The following UMODL1 variants were observed in gnomAD, a reference collection of about 807,000 sequenced individuals.
UMODL1 encodes uromodulin-like 1.
In UMODL1, 128 loss-of-function variants were observed where a neutral mutation model predicts 136.3. That is an observed-to-expected ratio of 0.94 (90% CI 0.81 to 1.09). The LOEUF is 1.09. UMODL1 is among the 50% of genes least tolerant of loss of function. The probability of loss-of-function intolerance (pLI) is 0.00; values close to 1 mark genes in which losing one functional copy is unlikely to be tolerated. For synonymous variants in UMODL1, 721 were observed against 720.0 expected, an observed-to-expected ratio of 1.00 and a Z score of -0.02; for missense variants, 1,766 against 1,725.6, an observed-to-expected ratio of 1.02 and a Z score of -0.41.
rs1394503885 is a variant in UMODL1, at chr21:42,122,433, A to G, written c.2828-398A>G. ...TCTCAGGGCAGAAGACTCACCCTGT[A>G]TCCACTGGCTTGGCACATCCCCGGC... On this transcript the variant is annotated intron_variant, in intron 16 of 22. Transcript: ENST00000408910. The surrounding 1 kb of genome is among the most constrained non-coding windows in gnomAD (Gnocchi z 4.3). Among the ~76,000 whole-genome samples, 1 of 152,182 alleles carries G rather than the reference A, an allele frequency of 6.6e-6. No homozygotes were observed. The highest frequency in any genetic ancestry group is 2.4e-5 in the African/African-American group (1 of 41,444).
Position 42,122,713 on chromosome 21 carries a change from T to C in UMODL1, c.2828-118T>C, listed in dbSNP as rs1601259074. 1 of 1,011,594 alleles carries C rather than the reference T, an allele frequency of 9.9e-7. No individual in the cohort carries two copies. Among genetic ancestry groups the C allele is most frequent in the Non-Finnish European group, 1.4e-6 (1 of 710,058 alleles). 62.7% of individuals were successfully genotyped at this position (1,011,594 alleles called of 1,614,324 possible). A position where few individuals can be genotyped will look rare whatever the true frequency, so the allele number is the denominator to read the frequency against. ...TGTAGTTGTGGCTGGAACATGCGGTTCCCAGGTGTGGCTGCTGCAGAGTGC... is the reference window on the plus strand; with the variant it reads ...TGTAGTTGTGGCTGGAACATGCGGTCCCCAGGTGTGGCTGCTGCAGAGTGC... On this transcript the variant is annotated intron_variant, in intron 16 of 22. Transcript: ENST00000408910. The surrounding 1 kb of genome is among the most constrained non-coding windows in gnomAD (Gnocchi z 4.3).
At chr21:42,065,561 G>A (rs1315817224) in intron 1 of UMODL1, among the ~76,000 whole-genome samples, 6 of 148,622 alleles carry the variant, frequency 4.0e-5, no homozygotes, top group Non-Finnish European at 8.9e-5. Context: ...TTTTTGAGGC[G>A]GAGTCTCGCT....
chr21:42,091,332 G>A (rs898291084), intron 6 of UMODL1, among the ~76,000 whole-genome samples: 1 of 152,222 alleles, frequency 6.6e-6, no homozygotes, highest in Non-Finnish European at 1.5e-5. Flanking sequence ...GGATCAGCCT[G>A]GAGAGCAGAA....
At chr21:42,077,341 T>C (rs997184049) in intron 2 of UMODL1, among the ~76,000 whole-genome samples, 17 of 151,842 alleles carry the variant, frequency 1.1e-4, no homozygotes, top group African/African-American at 4.1e-4. Flanking sequence ...TGAGACGAAT[T>C]AAGAGTCTTT....
chr21:42,116,172 C>CAAAAAAAAAAAAAAAAAAAAAAAAA, intron 14 of UMODL1, among the ~76,000 whole-genome samples, 187 bp downstream of exon 14: 1 of 75,082 alleles, frequency 1.3e-5, no homozygotes, highest in Non-Finnish European at 2.3e-5. Flanking sequence ...CCATCTCCAC[C>CAAAAAAAAAAAAAAAAAAAAAAAAA]AAAAAAAAAA....
chr21:42,139,081 T>C (rs1399437651), intron 22 of UMODL1, among the ~76,000 whole-genome samples: 1 of 151,956 alleles, frequency 6.6e-6, no homozygotes, highest in East Asian at 1.9e-4. Context: ...GGTGGAAGGA[T>C]CCCTTGAGCT....
intron 5 of UMODL1, among the ~76,000 whole-genome samples, chr21:42,089,743 C>T (rs1278475153): frequency 4.6e-5 from 7 of 152,166 alleles, no homozygotes; most frequent in African/African-American, 1.7e-4. Context: ...TTGTAAAGAA[C>T]TAATAATCAC....
chr21:42,123,007 A>C lies in UMODL1; in HGVS notation c.3004A>C (p.Ile1002Leu). The C allele has an allele frequency of 6.2e-7, 1 of 1,614,100 alleles. No homozygotes were observed. Among genetic ancestry groups the C allele is most frequent in the Admixed American group, 1.7e-5 (1 of 60,014 alleles). ...TGAGATCGAGAAGGTGGTTGTCGCCATCCAGAAGCGCTTCCTGCAGCAGGA... is the reference window on the plus strand; with the variant it reads ...TGAGATCGAGAAGGTGGTTGTCGCCCTCCAGAAGCGCTTCCTGCAGCAGGA... ...LCEIEKVVVA[I>L]QKRFLQQESI... is the part of the protein sequence containing the mutation. The change falls in exon 17 of 23, where the codon ATC becomes CTC. Residue 1002 changes from isoleucine to leucine, a missense_variant. Coordinates refer to ENST00000408910, the MANE Select transcript of UMODL1 (RefSeq NM_001004416.3). This position sits in a 1 kb window ranked among gnomAD's most constrained non-coding sequence, Gnocchi z 4.4.
At chr21:42,114,630 TG>T (rs2066880277) in intron 13 of UMODL1, among the ~76,000 whole-genome samples, 1 of 152,206 alleles carries the variant, frequency 6.6e-6, no homozygotes, top group Admixed American at 6.5e-5. Context: ...GATGGTCTAT[TG>T]GGATGCAATA....
chr21:42,064,083 C>T (rs142363451), intron 1 of UMODL1, among the ~76,000 whole-genome samples: 72 of 152,224 alleles, frequency 4.7e-4, no homozygotes, highest in East Asian at 3.3e-3. Context: ...GGCAGTCTGT[C>T]GAGCCCGAGG....
At chr21:42,109,979 G>T (rs549923098) in intron 10 of UMODL1, among the ~76,000 whole-genome samples, 4 of 152,308 alleles carry the variant, frequency 2.6e-5, no homozygotes, top group African/African-American at 9.6e-5. Flanking sequence ...AAGTGGAGGG[G>T]TGCAGGGGTC....
intron 21 of UMODL1, among the ~76,000 whole-genome samples, chr21:42,135,192 C>G (rs112923500): frequency 6.6e-6 from 1 of 152,260 alleles, no homozygotes; most frequent in South Asian, 2.1e-4. Context: ...TCATGCCACA[C>G]GCATGGAGCC....
chr21:42,067,803 G>A (rs2066195431), upstream of UMODL1, among the ~76,000 whole-genome samples: 1 of 152,244 alleles, frequency 6.6e-6, no homozygotes, highest in Non-Finnish European at 1.5e-5. Context: ...TGGAGACAAT[G>A]TCCCAACCCC....
At chr21:42,103,339 G>A (rs2066661097) in intron 8 of UMODL1, 1 of 240,676 alleles carries the variant, frequency 4.2e-6, no homozygotes, top group African/African-American at 2.2e-5. Context: ...ACTCACTTGT[G>A]TGTGCAAGTA....
At chr21:42,108,961 T>G (rs1191109120) in intron 9 of UMODL1, among the ~76,000 whole-genome samples, 1 of 36,914 alleles carries the variant, frequency 2.7e-5, no homozygotes, top group Non-Finnish European at 4.4e-5. Flanking sequence ...TGACCCCCAC[T>G]CCTGGCATGT....
At chr21:42,108,616 C>T (rs2066758760) in intron 9 of UMODL1, 2 of 340,094 alleles carry the variant, frequency 5.9e-6, no homozygotes, top group African/African-American at 4.3e-5. Flanking sequence ...TTCCCGAGCA[C>T]CTCCACCCGC....
rs574741492 is a variant in UMODL1 at position 42,090,190 on chromosome 21, G to A, written c.791-108G>A. ...GCCCAAGGCACCCCTCAACCGACGT[G>A]GCACAAATCCGTGGCACGAGTCCAC... On this transcript the variant is annotated intron_variant, in intron 5 of 22. Coordinates refer to ENST00000408910, the MANE Select transcript of UMODL1 (RefSeq NM_001004416.3). The A allele has an allele frequency of 2.2e-5, 33 of 1,497,564 alleles. No homozygotes were observed. In the African/African-American group the frequency reaches 4.4e-4, roughly 20 times the overall value. 92.8% of individuals were successfully genotyped at this position (1,497,564 alleles called of 1,614,324 possible).
intron 1 of UMODL1, among the ~76,000 whole-genome samples, chr21:42,066,009 T>G (rs2146403699): frequency 6.6e-6 from 1 of 152,350 alleles, no homozygotes; most frequent in East Asian, 1.9e-4. Flanking sequence ...GAATTCTTTG[T>G]CCTAACGTTA....
intron 17 of UMODL1, among the ~76,000 whole-genome samples, chr21:42,124,854 C>T (rs1601263447): frequency 6.6e-6 from 1 of 152,132 alleles, no homozygotes; most frequent in South Asian, 2.1e-4. Flanking sequence ...GCTGAGAGTT[C>T]TACATGCATG....
Sources: allele counts gnomAD v4.1 joint callset (sites outside exome capture counted in the v4.1 genomes callset), GRCh38; gene constraint gnomAD v4.1.1; non-coding constraint Gnocchi (gnomAD v3.1); transcripts MANE v1.5; gene names NCBI Gene and HGNC (gene_info 2026-07-23, HGNC 2026-07-21).